The following METAP1 variants were observed in gnomAD, a reference collection of about 807,000 sequenced individuals.
The protein encoded by METAP1 is methionine aminopeptidase 1.
Under a neutral mutation model 53.8 loss-of-function variants are expected in METAP1, and 28 were observed. The observed-to-expected ratio is 0.52, with a 90% CI of 0.39 to 0.71. The LOEUF (loss-of-function observed/expected upper bound fraction) is 0.71, where lower values mean the gene tolerates loss of function less well. Among genes scored for constraint, METAP1 ranks in the 30% least tolerant of loss-of-function variants. The pLI, the probability that METAP1 is intolerant of heterozygous loss-of-function variation, is 0.00. For synonymous variants in METAP1, 181 were observed against 165.7 expected (o/e 1.09, Z -0.71); for missense variants, 389 against 479.8 (o/e 0.81, Z 1.77).
At chr4:98,997,232 G>C (rs901120207) in intron 1 of METAP1, among the ~76,000 whole-genome samples, 1 of 152,132 alleles carries the variant, frequency 6.6e-6, no homozygotes, top group Non-Finnish European at 1.5e-5. Context: ...CAATCTTTAC[G>C]TCACAATATT....
At chr4:99,037,835 A>G (rs2110356280) in intron 4 of METAP1, 1 of 151,980 alleles carries the variant, frequency 6.6e-6, no homozygotes, top group South Asian at 2.1e-4. Context: ...TCTGGTTCTC[A>G]AAATTATCCT....
intron 5 of METAP1, 21 bp downstream of exon 5, chr4:99,039,486 A>G: frequency 7.0e-7 from 1 of 1,434,246 alleles, no homozygotes; most frequent in East Asian, 2.3e-5. Flanking sequence ...TTTTTTCTCC[A>G]TGGGGTAGGA....
At chr4:99,051,708 G>C (rs148416104) in intron 9 of METAP1, among the ~76,000 whole-genome samples, 4 of 152,148 alleles carry the variant, frequency 2.6e-5, no homozygotes, top group Non-Finnish European at 4.4e-5. Flanking sequence ...TTATGTTTAT[G>C]AAGAGTCACA....
At chr4:99,039,494 G>A in intron 5 of METAP1, 29 bp downstream of exon 5, 1 of 1,379,192 alleles carries the variant, frequency 7.3e-7, no homozygotes, top group Non-Finnish European at 1.0e-6. Flanking sequence ...CCATGGGGTA[G>A]GAAATGTTTA....
chr4:99,045,905 A>G (rs1307749242), intron 8 of METAP1, among the ~76,000 whole-genome samples: 1 of 152,252 alleles, frequency 6.6e-6, no homozygotes, highest in Non-Finnish European at 1.5e-5. Context: ...CTACAGACAT[A>G]GATTTACCTC....
intron 10 of METAP1, 146 bp downstream of exon 10, chr4:99,057,964 A>G: frequency 1.5e-6 from 1 of 683,010 alleles, no homozygotes; most frequent in Non-Finnish European, 2.5e-6. Context: ...AGTATCGTGA[A>G]GAACTGAAAA....
intron 1 of METAP1, among the ~76,000 whole-genome samples, chr4:98,998,178 C>T (rs1560687396): frequency 6.6e-6 from 1 of 152,170 alleles, no homozygotes; most frequent in Non-Finnish European, 1.5e-5. Context: ...CAGCTTGAGA[C>T]CTTGATCAAG....
chr4:99,001,704 A>G (rs989022200), intron 1 of METAP1, among the ~76,000 whole-genome samples: 2 of 152,334 alleles, frequency 1.3e-5, no homozygotes, highest in Middle Eastern at 3.4e-3. Flanking sequence ...TTACTCTTCA[A>G]TAAATATTCC....
intron 1 of METAP1, among the ~76,000 whole-genome samples, chr4:99,016,183 T>G (rs1723754778): frequency 6.6e-6 from 1 of 152,138 alleles, no homozygotes; most frequent in Non-Finnish European, 1.5e-5. Flanking sequence ...AGAGTCCAAA[T>G]ATGTTATTTC....
intron 9 of METAP1, among the ~76,000 whole-genome samples, chr4:99,055,215 AC>A (rs1337843745): frequency 6.6e-6 from 1 of 152,028 alleles, no homozygotes; most frequent in Non-Finnish European, 1.5e-5. Context: ...AAATGGTGAA[AC>A]CACGCTTCTA....
chr4:99,009,800 C>A (rs1723380519), intron 1 of METAP1, among the ~76,000 whole-genome samples: 1 of 152,142 alleles, frequency 6.6e-6, no homozygotes, highest in South Asian at 2.1e-4. Flanking sequence ...ATTTGCAAAT[C>A]TTTTCTCCTA....
Position 99,011,423 on chromosome 4 carries a change from T to G in METAP1, c.114+15556T>G, listed in dbSNP as rs116197323. 7.2e-3 allele frequency among the ~76,000 whole-genome samples: 1,094 copies of G among 152,360 alleles called. 9 individuals are homozygous for G. Among genetic ancestry groups the G allele is most frequent in the African/African-American group, 0.025 (1,035 of 41,582 alleles). ...TGAATCAATTGAGATGATTATGTGA[T>G]TTTTATCCTTCATTCTGTTAATGTG... On this transcript the variant is annotated intron_variant, in intron 1 of 10. Transcript: ENST00000296411.
intron 2 of METAP1, chr4:99,031,376 A>T: frequency 8.9e-7 from 1 of 1,119,242 alleles, no homozygotes. Context: ...TAAAGGTGGA[A>T]TAATTTGACA....
intron 1 of METAP1, among the ~76,000 whole-genome samples, chr4:99,004,446 TACACACACACACACACACACACACACAC>T (rs1189663861): frequency 1.2e-5 from 1 of 80,008 alleles, no homozygotes; most frequent in Non-Finnish European, 3.7e-5. Context: ...TGTGGACAGA[TACACACACACACACACACACACACACAC>T]ACACACACAT....
intron 1 of METAP1, among the ~76,000 whole-genome samples, chr4:99,019,525 C>T (rs1723964862): frequency 6.6e-6 from 1 of 152,150 alleles, no homozygotes; most frequent in Non-Finnish European, 1.5e-5. Context: ...CTCTACATCT[C>T]CACCCTTTAT....
chr4:99,040,473 T>TG (rs1725775012), intron 5 of METAP1, among the ~76,000 whole-genome samples: 1 of 105,044 alleles, frequency 9.5e-6, no homozygotes, highest in African/African-American at 3.1e-5. Flanking sequence ...TTCATTCATC[T>TG]ATTTTTTTTT....
chr4:99,011,132 A>C (rs888327336), intron 1 of METAP1, among the ~76,000 whole-genome samples: 5 of 151,784 alleles, frequency 3.3e-5, no homozygotes, highest in Non-Finnish European at 7.4e-5. Context: ...TTCCTTTTTA[A>C]TTTGGATGCC....
chr4:99,013,942 T>A (rs1046158432), intron 1 of METAP1, among the ~76,000 whole-genome samples: 1 of 152,232 alleles, frequency 6.6e-6, no homozygotes, highest in Non-Finnish European at 1.5e-5. Context: ...TTTTGTTTTA[T>A]AATTCTTCAA....
chr4:99,054,128 TCTC>T (rs1726924980), intron 9 of METAP1, among the ~76,000 whole-genome samples: 1 of 152,086 alleles, frequency 6.6e-6, no homozygotes, highest in Non-Finnish European at 1.5e-5. Flanking sequence ...GTTGTTGACT[TCTC>T]CTCTCTAGTG....
Sources: gnomAD v4.1 joint callset for allele counts (sites outside exome capture counted in the v4.1 genomes callset) on GRCh38, gnomAD v4.1.1 for gene constraint, MANE v1.5 for transcripts, NCBI Gene and HGNC (gene_info 2026-07-23, HGNC 2026-07-21) for gene names.